Variants in NPHP4 observed in about 807,000 individuals in gnomAD.
The protein encoded by NPHP4 is nephrocystin 4, also known as nephrocystin-4.
In NPHP4, 151 loss-of-function variants were observed where a neutral mutation model predicts 155.8. The observed-to-expected ratio is 0.97, with a 90% CI of 0.85 to 1.11. The LOEUF (loss-of-function observed/expected upper bound fraction) is 1.11. NPHP4 is among the 50% of genes least tolerant of loss of function. The pLI is 0.00. For synonymous variants in NPHP4, 845 were observed against 816.8 expected (o/e 1.03, Z -0.59); for missense variants, 1,956 against 1,925.7 (o/e 1.02, Z -0.29).
intron 9 of NPHP4, among the ~76,000 whole-genome samples, chr1:5,934,702 G>A (rs898153277): frequency 4.6e-5 from 7 of 152,298 alleles, no homozygotes; most frequent in African/African-American, 9.6e-5. Context: ...CATCGCAAGC[G>A]CAGCCATGGT....
In NPHP4 at chr1:5,955,523, T is replaced by C. The variant is rs1366400609; in HGVS notation, c.674-2687A>G. The stretch of plus-strand genomic sequence containing the variant: ...TGGATGAATGCATAAAGAAAAGTAG[T>C]GTATCTACACAATGGAGTACTTACG... On this transcript the variant is annotated intron_variant, in intron 6 of 29. Transcript: ENST00000378156. 8.5e-5 allele frequency among the ~76,000 whole-genome samples: 13 copies of C among 152,268 alleles called. No individual in the cohort carries two copies. The East Asian group carries it at 2.3e-3, about 27-fold the overall frequency.
intron 17 of NPHP4, among the ~76,000 whole-genome samples, chr1:5,888,009 G>A (rs998869908): frequency 2.6e-5 from 4 of 152,346 alleles, no homozygotes; most frequent in African/African-American, 4.8e-5. Context: ...TGCCTCCCCC[G>A]TTTCCCTGGG....
chr1:5,978,457 T>G (rs1250381103), intron 2 of NPHP4, 44 bp from the exon 3 acceptor site: 1 of 1,573,692 alleles, frequency 6.4e-7, no homozygotes, highest in Non-Finnish European at 8.6e-7. Flanking sequence ...CTGAGCACCA[T>G]GAGCCAGGAG....
chr1:5,896,805 A>G (rs1045431851), intron 16 of NPHP4, among the ~76,000 whole-genome samples: 1 of 152,150 alleles, frequency 6.6e-6, no homozygotes, highest in Non-Finnish European at 1.5e-5. Flanking sequence ...CGGCAGGGAG[A>G]GCACAAGATG....
intron 9 of NPHP4, among the ~76,000 whole-genome samples, chr1:5,935,013 A>G (rs969622702): frequency 6.6e-6 from 1 of 152,110 alleles, no homozygotes; most frequent in Non-Finnish European, 1.5e-5. Flanking sequence ...GCGTGCTCTC[A>G]AGGCCTCTAA....
intron 9 of NPHP4, among the ~76,000 whole-genome samples, chr1:5,941,715 T>G (rs1200573147): frequency 6.6e-6 from 1 of 152,206 alleles, no homozygotes; most frequent in Admixed American, 6.5e-5. Flanking sequence ...GGGGCCAGCC[T>G]CAAGGACTCC....
Position 5,864,530 on chromosome 1 carries a change from G to T in NPHP4, c.3817-13C>A. The T allele has an allele frequency of 6.5e-7, 1 of 1,527,716 alleles. No homozygotes were observed. The highest frequency in any genetic ancestry group is 1.2e-5 in the South Asian group (1 of 80,738). 94.6% of individuals were successfully genotyped at this position (1,527,716 alleles called of 1,614,324 possible). A position where few individuals can be genotyped will look rare whatever the true frequency, so the allele number is the denominator to read the frequency against. On this transcript the variant is annotated splice_polypyrimidine_tract_variant and intron_variant, in intron 27 of 29. Transcript: ENST00000378156. ...CTTTGGGGTCTGTCTTCAAGAGCGA[G>T]AGAGGCGGGTCAGAGCACAGCCTCT... is the stretch of plus-strand genomic sequence containing the variant.
At chr1:5,887,488 T>C (rs1410999682) in intron 17 of NPHP4, 22 bp from the exon 18 acceptor site, 3 of 1,610,774 alleles carry the variant, frequency 1.9e-6, no homozygotes, top group Non-Finnish European at 1.7e-6. Context: ...AAAAGCGCGT[T>C]CAGAGGCTGG....
At chr1:5,908,743 A>G (rs115703267) in intron 12 of NPHP4, among the ~76,000 whole-genome samples, 1 of 152,220 alleles carries the variant, frequency 6.6e-6, no homozygotes, top group Non-Finnish European at 1.5e-5. Context: ...CTTGGCCGAC[A>G]GGGCCAGGGG....
intron 11 of NPHP4, among the ~76,000 whole-genome samples, chr1:5,913,396 T>G (rs1570409141): frequency 6.6e-6 from 1 of 152,202 alleles, no homozygotes; most frequent in Non-Finnish European, 1.5e-5. Flanking sequence ...CCACGGCAGG[T>G]TTCTCCACCT....
At chr1:5,869,965 C>T (rs1386570222) in intron 23 of NPHP4, among the ~76,000 whole-genome samples, 2 of 152,208 alleles carry the variant, frequency 1.3e-5, no homozygotes, top group Non-Finnish European at 2.9e-5. Context: ...CATACACGCA[C>T]ATATCTATAC....
At position 5,867,446 on chromosome 1, in the gene NPHP4, C is replaced by T. The variant is rs991863799; in HGVS notation, c.3472+294G>A. On this transcript the variant is annotated intron_variant, in intron 24 of 29. Coordinates refer to ENST00000378156, the MANE Select transcript of NPHP4 (RefSeq NM_015102.5). This position sits in a 1 kb window ranked among gnomAD's most constrained non-coding sequence, Gnocchi z 4.1. ...GGGCACCTACCAGAAACACGCGGGC[C>T]GTCAGGTGAGGAGGTAGGTGTTCCT... 3.4e-5 allele frequency: 19 copies of T among 551,194 alleles called. No individual in the cohort carries two copies. The highest frequency in any genetic ancestry group is 4.8e-4 in the Middle Eastern group (1 of 2,084). The allele number at this position is 551,194 out of a possible 1,614,324, so 34.1% of individuals were successfully genotyped here.
chr1:5,914,059 C>G (rs1645328746), intron 11 of NPHP4, among the ~76,000 whole-genome samples: 1 of 151,950 alleles, frequency 6.6e-6, no homozygotes, highest in African/African-American at 2.4e-5. Context: ...AGGGCTGGGG[C>G]AGGAGGCGGC....
rs1464101770 is a variant in NPHP4 at position 5,944,739 on chromosome 1, G to A, written c.1119+2365C>T. Among the ~76,000 whole-genome samples, 1 of 152,212 alleles carries A rather than the reference G, an allele frequency of 6.6e-6. No individual in the cohort carries two copies. The highest frequency in any genetic ancestry group is 1.5e-5 in the Non-Finnish European group (1 of 68,036). The stretch of plus-strand genomic sequence containing the variant: ...AACCTGAGCACTTTGGGAGGCCAAG[G>A]AGGGCAGATCACTTGAGGTCAGAAG... On this transcript the variant is annotated intron_variant, in intron 9 of 29. Coordinates refer to ENST00000378156, the MANE Select transcript of NPHP4 (RefSeq NM_015102.5). This position sits in a 1 kb window ranked among gnomAD's most constrained non-coding sequence, Gnocchi z 4.3.
rs1490884824 is a variant in NPHP4 at position 5,948,273 on chromosome 1, T to C, written c.811-22A>G. The C allele has an allele frequency of 2.0e-6, 3 of 1,528,968 alleles. No homozygotes were observed. The Admixed American group carries it at 6.0e-5, about 30-fold the overall frequency. 94.7% of individuals were successfully genotyped at this position (1,528,968 alleles called of 1,614,324 possible). ...ATCCCTGGAAGAGGCACAGAAGGAA[T>C]GAGCCCCGGCACAGACGGAAAGAGG... On this transcript the variant is annotated intron_variant, in intron 7 of 29. Coordinates refer to ENST00000378156, the MANE Select transcript of NPHP4 (RefSeq NM_015102.5).
Position 5,909,180 on chromosome 1 carries a change from G to T in NPHP4, c.1475C>A (p.Ala492Asp). Reference sequence around the variant, plus strand: ...TGGTCCCACAGGTGAGTTCTGCGGGGCAGCGAGAACTCGAGGTACTGGCGC... The same window carrying T: ...TGGTCCCACAGGTGAGTTCTGCGGGTCAGCGAGAACTCGAGGTACTGGCGC... ...PPAPVPRVLA[A>D]PQNSPVGPGL... Residue 492 changes from alanine (A) to aspartate (D), a missense_variant, in exon 12 of 30, where the codon GCC (alanine) becomes GAC (aspartate). Transcript: ENST00000378156. The T allele has an allele frequency of 6.2e-7, 1 of 1,603,566 alleles. No homozygotes were observed. Among genetic ancestry groups the T allele is most frequent in the East Asian group, 2.2e-5 (1 of 44,580 alleles).
Position 5,867,086 on chromosome 1 carries a change from G to T in NPHP4, c.3502C>A (p.Pro1168Thr). The T allele has an allele frequency of 6.2e-7, 1 of 1,612,870 alleles. No individual in the cohort carries two copies. ...GAPVGMLGEDPPVHVRCSDPN... is the reference protein window; with the variant it reads ...GAPVGMLGEDTPVHVRCSDPN... ...TCGCTGCAGCGAACATGGACTGGGG[G>T]GTCCTCACCAAGCATTCCCACCGGA... The change falls in exon 25 of 30, where the codon CCC becomes ACC. Residue 1168 changes from proline to threonine, a missense_variant. Physicochemically the swap from Pro to Thr is conservative, Grantham distance 38 (BLOSUM62 -1). Coordinates refer to ENST00000378156, the MANE Select transcript of NPHP4 (RefSeq NM_015102.5). The surrounding 1 kb of genome is among the most constrained non-coding windows in gnomAD (Gnocchi z 4.1).
intron 8 of NPHP4, 110 bp from the exon 9 acceptor site, chr1:5,947,340 G>A (rs752280669): frequency 3.5e-6 from 4 of 1,156,010 alleles, no homozygotes; most frequent in East Asian, 4.7e-5. Context: ...GGGGACACAG[G>A]GGTGCTGCTG....
chr1:5,961,860 G>A lies in NPHP4; in HGVS notation c.607C>T (p.Pro203Ser), dbSNP rs1356533222. The change falls in exon 6 of 30, where the codon CCT becomes TCT. Residue 203 changes from proline to serine, a missense_variant. By Grantham distance (74) the Pro-to-Ser change is moderately conservative. Transcript: ENST00000378156. ...AGACCAGACACCAGAAGGTTCTCAG[G>A]AAGAAGGTGGAACGCAGGCTCCAGG... is the stretch of plus-strand genomic sequence containing the variant. ...PALEPAFHLLPENLLVSGLQQ... is the reference protein window; with the variant it reads ...PALEPAFHLLSENLLVSGLQQ... 2.5e-6 allele frequency: 4 copies of A among 1,613,710 alleles called. No individual in the cohort carries two copies. The highest frequency in any genetic ancestry group is 2.2e-5 in the East Asian group (1 of 44,900).
Sources: gnomAD v4.1 joint callset for allele counts (sites outside exome capture counted in the v4.1 genomes callset) on GRCh38, gnomAD v4.1.1 for gene constraint, Gnocchi (gnomAD v3.1) non-coding constraint, MANE v1.5 for transcripts, NCBI Gene and HGNC (gene_info 2026-07-23, HGNC 2026-07-21) for gene names.